Variants in KPNA4 observed in about 807,000 individuals in gnomAD.
The protein encoded by KPNA4 is importin subunit alpha-3.
In KPNA4, 13 loss-of-function variants were observed where a neutral mutation model predicts 71.3. The ratio of observed to expected loss-of-function variants is 0.18; its 90% CI spans 0.12 to 0.29. The LOEUF is 0.29. Among genes scored for constraint, KPNA4 ranks in the 10% least tolerant of loss-of-function variants. The probability of loss-of-function intolerance (pLI) is 1.00; values close to 1 mark genes in which losing one functional copy is unlikely to be tolerated. For synonymous variants in KPNA4, 189 were observed against 195.2 expected (o/e 0.97, Z 0.26); for missense variants, 334 against 603.2 (o/e 0.55, Z 4.67).
intron 5 of KPNA4, among the ~76,000 whole-genome samples, chr3:160,531,799 C>T (rs537711348): frequency 6.8e-6 from 1 of 146,646 alleles, no homozygotes; most frequent in Non-Finnish European, 1.5e-5. Flanking sequence ...ACTTTACTAC[C>T]TTTTTTTTTT....
intron 13 of KPNA4, among the ~76,000 whole-genome samples, chr3:160,511,957 C>G (rs1195957441): frequency 6.6e-6 from 1 of 151,894 alleles, no homozygotes. Flanking sequence ...AAATTAAAAA[C>G]CCTGTTATCT....
intron 11 of KPNA4, among the ~76,000 whole-genome samples, chr3:160,518,285 G>A (rs1156905170): frequency 6.6e-6 from 1 of 151,526 alleles, no homozygotes. Flanking sequence ...ACAGGCGCCC[G>A]CTACCACGCC....
At chr3:160,535,591 T>C (rs1464668385) in intron 4 of KPNA4, 26 bp from the exon 5 acceptor site, 3 of 1,585,368 alleles carry the variant, frequency 1.9e-6, no homozygotes, top group Non-Finnish European at 2.6e-6. Flanking sequence ...TAATTTATGA[T>C]GTAAATATAT....
intron 1 of KPNA4, among the ~76,000 whole-genome samples, chr3:160,541,936 C>T (rs1721807177): frequency 6.6e-6 from 1 of 152,124 alleles, no homozygotes; most frequent in African/African-American, 2.4e-5. Context: ...CTTGACTGTA[C>T]TTATTTAATA....
Position 160,535,822 on chromosome 3 carries a change from C to A in KPNA4, c.190G>T (p.Gly64Cys). The change falls in exon 3 of 17, where the codon GGT becomes TGT. Residue 64 changes from glycine (G) to cysteine (C), a missense_variant. Gly to Cys is a radical substitution (Grantham distance 159). Coordinates refer to ENST00000334256, the MANE Select transcript of KPNA4 (RefSeq NM_002268.5). ...EDICEDSDID[G>C]DYRVQNTSLE... ...CAATGACTTACCACTCTATAATCAC[C>A]ATCTATATCAGAGTCTTCACAGATA... 7.0e-7 allele frequency: 1 copy of A among 1,427,260 alleles called. No individual in the cohort carries two copies. Among genetic ancestry groups the A allele is most frequent in the Non-Finnish European group, 9.2e-7 (1 of 1,083,694 alleles). The allele number at this position is 1,427,260 out of a possible 1,614,324, so 88.4% of individuals were successfully genotyped here. A position where few individuals can be genotyped will look rare whatever the true frequency, so the allele number is the denominator to read the frequency against.
chr3:160,510,186 C>T (rs2108544244), intron 13 of KPNA4, among the ~76,000 whole-genome samples: 1 of 152,236 alleles, frequency 6.6e-6, no homozygotes, highest in East Asian at 1.9e-4. Context: ...TACAATTTCA[C>T]TACAAAGTCA....
At position 160,521,818 on chromosome 3, in the gene KPNA4, A is replaced by G; in HGVS notation, c.864T>C (p.His288=). The change falls in exon 11 of 17, where the codon CAT becomes CAC. Residue 288 remains histidine (H), a synonymous_variant. Transcript: ENST00000334256. ...CCTGGTGGCTGAGCAGAGGAACCAAATGAGGAACTATTCCAGAGTCTATTA... is the reference window on the plus strand; with the variant it reads ...CCTGGTGGCTGAGCAGAGGAACCAAGTGAGGAACTATTCCAGAGTCTATTA... ...QMVIDSGIVP[H]LVPLLSHQEV... 1 of 1,612,640 alleles carries G rather than the reference A, an allele frequency of 6.2e-7. No individual in the cohort carries two copies.
intron 1 of KPNA4, among the ~76,000 whole-genome samples, chr3:160,543,128 G>A (rs911550460): frequency 6.6e-6 from 1 of 152,034 alleles, no homozygotes; most frequent in Non-Finnish European, 1.5e-5. Context: ...TTTTGCACGA[G>A]GTTACATATG....
rs958772366 is a variant in KPNA4 at position 160,532,635 on chromosome 3, T to G, written c.288-1078A>C. Among the ~76,000 whole-genome samples the G allele has an allele frequency of 3.3e-5, 5 of 152,194 alleles. No homozygotes were observed. In the South Asian group the frequency reaches 1.0e-3, roughly 32 times the overall value. On this transcript the variant is annotated intron_variant, in intron 5 of 16. Transcript: ENST00000334256. Reference sequence around the variant, plus strand: ...ATAAGTCCTCAGTGTGGCCTAATCATATCTTTACCCACTGGAACACCCTGT... The same window carrying G: ...ATAAGTCCTCAGTGTGGCCTAATCAGATCTTTACCCACTGGAACACCCTGT...
chr3:160,519,801 CAAAAAAAAAAA>C (rs558355699), intron 11 of KPNA4, among the ~76,000 whole-genome samples: 2 of 83,692 alleles, frequency 2.4e-5, no homozygotes, highest in South Asian at 4.2e-4. Context: ...GACTCCGTCT[CAAAAAAAAAAA>C]AAAAAAAAAA....
At chr3:160,543,788 G>A (rs1721852474) in intron 1 of KPNA4, among the ~76,000 whole-genome samples, 1 of 152,070 alleles carries the variant, frequency 6.6e-6, no homozygotes, top group Non-Finnish European at 1.5e-5. Context: ...ACAGTTGCTT[G>A]GTGTTTTCAT....
At chr3:160,539,828 T>C (rs962045023) in intron 1 of KPNA4, among the ~76,000 whole-genome samples, 3 of 152,160 alleles carry the variant, frequency 2.0e-5, no homozygotes, top group Non-Finnish European at 2.9e-5. Context: ...AGGATTAAGG[T>C]ATAATGGGCT....
rs950260590 is a variant in KPNA4 at position 160,500,701 on chromosome 3, G to C, written c.*1403C>G. The stretch of plus-strand genomic sequence containing the variant: ...ATTGTTCATGGCTGCCTACATCTAA[G>C]ATAAAAAGATTCTAAAACAATTGAA... On this transcript the variant is annotated 3_prime_UTR_variant, in exon 17 of 17. Coordinates refer to ENST00000334256, the MANE Select transcript of KPNA4 (RefSeq NM_002268.5). 1.3e-5 allele frequency: 2 copies of C among 152,546 alleles called. No homozygotes were observed. Among genetic ancestry groups the C allele is most frequent in the African/African-American group, 4.8e-5 (2 of 41,442 alleles). The allele number at this position is 152,546 out of a possible 1,614,324, so 9.4% of individuals were successfully genotyped here.
chr3:160,512,761 G>A (rs1052179731), intron 13 of KPNA4, among the ~76,000 whole-genome samples: 1 of 152,134 alleles, frequency 6.6e-6, no homozygotes, highest in African/African-American at 2.4e-5. Flanking sequence ...AAACCCGGGA[G>A]GTAGAGATTG....
At chr3:160,504,164 C>T (rs1252590465) in intron 16 of KPNA4, among the ~76,000 whole-genome samples, 1 of 152,176 alleles carries the variant, frequency 6.6e-6, no homozygotes, top group Admixed American at 6.5e-5. Flanking sequence ...GCTTAAACAA[C>T]TGTAAGTAAA....
Position 160,565,286 on chromosome 3 carries a change from C to A in KPNA4, c.-4G>T. On this transcript the variant is annotated 5_prime_UTR_variant, in exon 1 of 17. Transcript: ENST00000334256. ...CCAGTTTCTCGTTGTCCGCCATGGCCGGGCCGGTGACTCCTTCCCCCGCCC... is the reference window on the plus strand; with the variant it reads ...CCAGTTTCTCGTTGTCCGCCATGGCAGGGCCGGTGACTCCTTCCCCCGCCC... 1 of 1,597,966 alleles carries A rather than the reference C, an allele frequency of 6.3e-7. No individual in the cohort carries two copies. Among genetic ancestry groups the A allele is most frequent in the Non-Finnish European group, 8.5e-7 (1 of 1,172,586 alleles).
At chr3:160,510,341 T>C (rs1029376961) in intron 13 of KPNA4, among the ~76,000 whole-genome samples, 3 of 127,978 alleles carry the variant, frequency 2.3e-5, no homozygotes, top group East Asian at 2.0e-4. Flanking sequence ...AAAATTCATA[T>C]ACATAAACTT....
intron 8 of KPNA4, 53 bp downstream of exon 8, chr3:160,527,900 T>C: frequency 5.3e-6 from 7 of 1,319,614 alleles, no homozygotes; most frequent in Non-Finnish European, 5.4e-6. Context: ...CTATTTTTAT[T>C]ACTTAGTATA....
intron 1 of KPNA4, among the ~76,000 whole-genome samples, chr3:160,560,220 CACCTGAATTAAAATCATT>C (rs1226192141): frequency 1.3e-5 from 2 of 152,098 alleles, no homozygotes; most frequent in East Asian, 3.8e-4. Flanking sequence ...GACTCTGACA[CACCTGAATTAAAATCATT>C]CCCTTAAATG....
Sources: gnomAD v4.1 joint callset for allele counts (sites outside exome capture counted in the v4.1 genomes callset) on GRCh38, gnomAD v4.1.1 for gene constraint, MANE v1.5 for transcripts, NCBI Gene and HGNC (gene_info 2026-07-23, HGNC 2026-07-21) for gene names.